The following MBD5 variants were observed in gnomAD, a reference collection of about 807,000 sequenced individuals.
The protein encoded by MBD5 is methyl-CpG-binding domain protein 5.
In MBD5, 13 loss-of-function variants were observed where a neutral mutation model predicts 117.3. The observed-to-expected ratio is 0.11, with a 90% confidence interval of 0.07 to 0.18. The LOEUF (loss-of-function observed/expected upper bound fraction) is 0.18, where lower values mean the gene tolerates loss of function less well. Among genes scored for constraint, MBD5 ranks in the 10% least tolerant of loss-of-function variants. The probability of loss-of-function intolerance (pLI) is 1.00; values close to 1 mark genes in which losing one functional copy is unlikely to be tolerated. For missense variants in MBD5, 1,879 were observed against 2,093.8 expected (o/e 0.90, Z 2.00); for synonymous variants, 727 against 766.4 (o/e 0.95, Z 0.85).
In MBD5 at chr2:148,064,488, A is replaced by T. The variant is rs72855290; in HGVS notation, c.-925+42804A>T. On this transcript the variant is annotated intron_variant, in intron 1 of 13. Transcript: ENST00000642680. ...AGTGTGCCTTCTACCAGATGAGATT[A>T]TCTAGAAACTGGTAGTAGCCTGGAT... Among the ~76,000 whole-genome samples, 555 of 152,254 alleles carry T rather than the reference A, an allele frequency of 3.6e-3. 4 individuals carry two copies. The highest frequency in any genetic ancestry group is 6.5e-3 in the Non-Finnish European group (439 of 68,010).
At chr2:148,324,893 G>A (rs1172858518) in intron 3 of MBD5, among the ~76,000 whole-genome samples, 1 of 152,142 alleles carries the variant, frequency 6.6e-6, no homozygotes, top group African/African-American at 2.4e-5. Flanking sequence ...TGGTGAGAGA[G>A]GGAATCCCTG....
intron 4 of MBD5, among the ~76,000 whole-genome samples, chr2:148,377,034 T>A (rs920579451): frequency 6.6e-6 from 1 of 150,634 alleles, no homozygotes; most frequent in Non-Finnish European, 1.5e-5. Flanking sequence ...TATACAGATA[T>A]ATATATATCC....
Position 148,291,663 on chromosome 2 carries a change from G to A in MBD5, c.-679-50551G>A, listed in dbSNP as rs1389368697. On this transcript the variant is annotated intron_variant, in intron 3 of 13. Transcript: ENST00000642680. ...TTTGGCTTTCTTATATATAAAATCA[G>A]TGTAATGCCTATCAAAATACCAATG... Among the ~76,000 whole-genome samples the A allele has an allele frequency of 2.6e-5, 4 of 152,036 alleles. No individual in the cohort carries two copies. In the East Asian group the frequency reaches 5.8e-4, roughly 22 times the overall value.
At chr2:148,310,284 T>A (rs575765525) in intron 3 of MBD5, among the ~76,000 whole-genome samples, 4 of 152,186 alleles carry the variant, frequency 2.6e-5, no homozygotes, top group African/African-American at 7.2e-5. Context: ...CTGGGGTTTT[T>A]TGGTTGGTAA....
intron 12 of MBD5, among the ~76,000 whole-genome samples, chr2:148,503,977 A>C (rs1038066245): frequency 6.6e-6 from 1 of 152,226 alleles, no homozygotes; most frequent in Non-Finnish European, 1.5e-5. Flanking sequence ...TTATGTACAA[A>C]ATAAAGTTAA....
intron 3 of MBD5, among the ~76,000 whole-genome samples, chr2:148,331,301 CT>C (rs1156677503): frequency 6.6e-6 from 1 of 151,974 alleles, no homozygotes; most frequent in East Asian, 1.9e-4. Context: ...TCGTTCAAGA[CT>C]TACAACAGCA....
intron 3 of MBD5, among the ~76,000 whole-genome samples, chr2:148,253,020 A>G (rs1294849582): frequency 6.6e-6 from 1 of 152,142 alleles, no homozygotes; most frequent in East Asian, 1.9e-4. Context: ...AGAAATGGAA[A>G]TCGGGACTTA....
intron 8 of MBD5, among the ~76,000 whole-genome samples, chr2:148,475,453 T>C (rs1393283058): frequency 2.6e-5 from 4 of 151,946 alleles, no homozygotes; most frequent in South Asian, 4.1e-4. Context: ...AACGTTTCCT[T>C]GTATTAAAAA....
chr2:148,027,206 T>C (rs540883270), intron 1 of MBD5: 4 of 152,248 alleles, frequency 2.6e-5, no homozygotes, highest in Non-Finnish European at 4.4e-5. Context: ...ATTACTACAT[T>C]ACATATATAG....
chr2:148,378,776 A>C (rs1704055436), intron 4 of MBD5, among the ~76,000 whole-genome samples: 1 of 152,066 alleles, frequency 6.6e-6, no homozygotes, highest in South Asian at 2.1e-4. Context: ...AATATAATTT[A>C]ATAATATATG....
At chr2:148,504,852 A>G (rs1681983417) in intron 12 of MBD5, among the ~76,000 whole-genome samples, 1 of 152,160 alleles carries the variant, frequency 6.6e-6, no homozygotes, top group South Asian at 2.1e-4. Flanking sequence ...TAAGAGGTAT[A>G]AGCGGGAACC....
intron 3 of MBD5, among the ~76,000 whole-genome samples, chr2:148,280,152 A>AAC (rs1374634756): frequency 6.8e-6 from 1 of 147,746 alleles, no homozygotes; most frequent in Non-Finnish European, 1.5e-5. Flanking sequence ...AAAAAAAAAC[A>AAC]AAAAGAAAAA....
At chr2:148,341,981 T>A (rs927285996) in intron 3 of MBD5, among the ~76,000 whole-genome samples, 4 of 152,040 alleles carry the variant, frequency 2.6e-5, no homozygotes, top group African/African-American at 9.7e-5. Flanking sequence ...ATATGTTTCT[T>A]CTGATTATAT....
chr2:148,449,138 TG>T (rs1168695977), intron 4 of MBD5, among the ~76,000 whole-genome samples: 5 of 152,100 alleles, frequency 3.3e-5, no homozygotes, highest in Non-Finnish European at 7.4e-5. Flanking sequence ...CATTCCTAGG[TG>T]GGTTTGCAGA....
intron 4 of MBD5, among the ~76,000 whole-genome samples, chr2:148,368,806 G>A (rs1304523882): frequency 6.6e-6 from 1 of 151,986 alleles, no homozygotes; most frequent in Non-Finnish European, 1.5e-5. Context: ...AGGGATAATA[G>A]AGTTAGAAAA....
chr2:148,386,697 C>T (rs1364175646), intron 4 of MBD5, among the ~76,000 whole-genome samples: 3 of 127,000 alleles, frequency 2.4e-5, no homozygotes, highest in Non-Finnish European at 3.2e-5. Flanking sequence ...CCAGCCTGGG[C>T]GACAGAGCGA....
intron 8 of MBD5, among the ~76,000 whole-genome samples, chr2:148,476,142 A>T: frequency 6.6e-6 from 1 of 152,180 alleles, no homozygotes; most frequent in East Asian, 1.9e-4. Flanking sequence ...TATTCATCAC[A>T]GATATACTAG....
At chr2:148,157,136 TC>T (rs1697894988) in intron 1 of MBD5, among the ~76,000 whole-genome samples, 1 of 152,198 alleles carries the variant, frequency 6.6e-6, no homozygotes. Flanking sequence ...CTTTTTTATT[TC>T]TTTTTTTATT....
rs765702142 is a variant in MBD5, at chr2:148,490,303, T to C, written c.4671T>C (p.Ser1557=). 12 of 1,613,964 alleles carry C rather than the reference T, an allele frequency of 7.4e-6. No individual in the cohort carries two copies. Among genetic ancestry groups the C allele is most frequent in the Middle Eastern group, 3.3e-4 (2 of 6,084 alleles). ...AGCAGTCTCCAAGTTCCTCAAATAG[T>C]TTGGAAAATTCTCTGGTCAAAGACT... The part of the protein sequence containing the change: ...LEEQSPSSSN[S]LENSLVKDYI... Residue 1557 remains serine, a synonymous_variant, in exon 11 of 14, where the codon AGT becomes AGC. Transcript: ENST00000642680.
Sources: gnomAD v4.1 joint callset for allele counts (sites outside exome capture counted in the v4.1 genomes callset) on GRCh38, gnomAD v4.1.1 for gene constraint, MANE v1.5 for transcripts, NCBI Gene and HGNC (gene_info 2026-07-23, HGNC 2026-07-21) for gene names.